Variants in TPTE observed in about 807,000 individuals in gnomAD.
TPTE encodes the protein putative tyrosine-protein phosphatase TPTE.
TPTE carries 59 observed loss-of-function variants against 84.1 expected under a neutral mutation model. The ratio of observed to expected loss-of-function variants is 0.70; its 90% CI spans 0.57 to 0.87. The LOEUF (loss-of-function observed/expected upper bound fraction) is 0.87, where lower values mean the gene tolerates loss of function less well. Ranked by LOEUF, TPTE falls within the 40% of genes least tolerant of loss-of-function variation. The pLI is 0.00. For missense variants in TPTE, 382 were observed against 659.6 expected, an observed-to-expected ratio of 0.58 and a Z score of 4.61; for synonymous variants, 130 against 223.5, an observed-to-expected ratio of 0.58 and a Z score of 3.73.
At chr21:10,569,001 G>T (rs375946195) in intron 11 of TPTE, among the ~76,000 whole-genome samples, 2 of 152,416 alleles carry the variant, frequency 1.3e-5, no homozygotes, top group East Asian at 3.9e-4. Context: ...AGATGAACAA[G>T]AATAATCGAT....
chr21:10,537,210 G>T (rs1435595463), intron 3 of TPTE, among the ~76,000 whole-genome samples: 1 of 152,310 alleles, frequency 6.6e-6, no homozygotes, highest in East Asian at 1.9e-4. Context: ...AGTTTGTGCT[G>T]TATTCAATTG....
chr21:10,575,385 G>T (rs1320459256), intron 14 of TPTE, among the ~76,000 whole-genome samples: 1 of 152,312 alleles, frequency 6.6e-6, no homozygotes, highest in Non-Finnish European at 1.5e-5. Flanking sequence ...GCTCCTGGTG[G>T]GAGGGGCAGC....
At chr21:10,594,229 T>C (rs879238383) in intron 19 of TPTE, among the ~76,000 whole-genome samples, 1 of 152,312 alleles carries the variant, frequency 6.6e-6, no homozygotes, top group Non-Finnish European at 1.5e-5. Flanking sequence ...GGACACTTGA[T>C]ACCCTCATGC....
intron 21 of TPTE, among the ~76,000 whole-genome samples, chr21:10,600,668 A>T (rs1259032331): frequency 6.6e-6 from 1 of 152,308 alleles, no homozygotes; most frequent in Non-Finnish European, 1.5e-5. Flanking sequence ...CCATTCTACT[A>T]TTGTTTCTTA....
intron 10 of TPTE, among the ~76,000 whole-genome samples, chr21:10,565,123 A>G (rs1186171950): frequency 4.6e-5 from 7 of 152,196 alleles, no homozygotes; most frequent in Admixed American, 3.3e-4. Flanking sequence ...AGACTCCACC[A>G]AAAAAAACTA....
At chr21:10,577,996 T>C (rs2075193711) in intron 15 of TPTE, among the ~76,000 whole-genome samples, 1 of 152,312 alleles carries the variant, frequency 6.6e-6, no homozygotes. Flanking sequence ...ACCTGTATAC[T>C]CAATAGACAT....
At chr21:10,579,548 G>A (rs374549561) in intron 17 of TPTE, among the ~76,000 whole-genome samples, 243 of 151,984 alleles carry the variant, frequency 1.6e-3, no homozygotes, top group Middle Eastern at 0.014. Flanking sequence ...CCCAAGTTTT[G>A]TCTCCCCAGC....
At chr21:10,578,910 A>C (rs2075217925) in intron 17 of TPTE, among the ~76,000 whole-genome samples, 1 of 152,312 alleles carries the variant, frequency 6.6e-6, no homozygotes, top group Non-Finnish European at 1.5e-5. Context: ...ATATCTCTCA[A>C]AATACAAACA....
intron 7 of TPTE, among the ~76,000 whole-genome samples, chr21:10,544,819 T>G (rs1012402824): frequency 2.0e-5 from 3 of 152,310 alleles, no homozygotes; most frequent in African/African-American, 7.2e-5. Flanking sequence ...GGTGGGTGTT[T>G]ACAAACTGAA....
rs1264910862 is a variant in TPTE at position 10,542,947 on chromosome 21, C to G, written c.120-382C>G. 2.6e-5 allele frequency among the ~76,000 whole-genome samples: 4 copies of G among 151,800 alleles called. No individual in the cohort carries two copies. The East Asian group carries it at 5.8e-4, about 22-fold the overall frequency. ...CTGATAGGAATTCATTGGTTTCTGT[C>G]TAGAGTAATAAAAGCTAATTTTCCA... On this transcript the variant is annotated intron_variant, in intron 6 of 23. Coordinates refer to ENST00000618007, the MANE Select transcript of TPTE (RefSeq NM_199261.4).
intron 18 of TPTE, among the ~76,000 whole-genome samples, chr21:10,591,325 G>A (rs1298893791): frequency 1.3e-5 from 2 of 152,312 alleles, no homozygotes; most frequent in Non-Finnish European, 1.5e-5. Context: ...AAGAGGTGGT[G>A]GTTGTGCACA....
intron 3 of TPTE, among the ~76,000 whole-genome samples, chr21:10,530,644 C>T (rs1437557485): frequency 3.3e-5 from 5 of 152,306 alleles, no homozygotes; most frequent in Admixed American, 2.6e-4. Context: ...TGCCAGACCC[C>T]TATAGACCTG....
intron 1 of TPTE, among the ~76,000 whole-genome samples, chr21:10,523,957 CTGT>C (rs2074034377): frequency 6.6e-6 from 1 of 152,310 alleles, no homozygotes; most frequent in Non-Finnish European, 1.5e-5. Context: ...TCTCCAGCAC[CTGT>C]TGTTTCCTGA....
intron 7 of TPTE, among the ~76,000 whole-genome samples, chr21:10,547,870 G>C (rs1229028408): frequency 6.6e-6 from 1 of 152,306 alleles, no homozygotes; most frequent in Non-Finnish European, 1.5e-5. Flanking sequence ...CCCATCCAGG[G>C]TAAATTCACT....
At chr21:10,533,734 G>T (rs1319686083) in intron 3 of TPTE, among the ~76,000 whole-genome samples, 3 of 152,306 alleles carry the variant, frequency 2.0e-5, no homozygotes, top group Non-Finnish European at 4.4e-5. Context: ...TGTGCCCCAG[G>T]GTAGAGAGTC....
chr21:10,580,007 A>T (rs2075242483), intron 17 of TPTE, among the ~76,000 whole-genome samples: 2 of 152,312 alleles, frequency 1.3e-5, no homozygotes, highest in South Asian at 4.1e-4. Flanking sequence ...TTTTCTCTTC[A>T]TCCTCACCAA....
intron 2 of TPTE, 133 bp from the exon 3 acceptor site, chr21:10,527,222 T>G (rs1297848759): frequency 1.3e-5 from 2 of 152,730 alleles, no homozygotes; most frequent in African/African-American, 4.8e-5. Flanking sequence ...ATCCTGAAAT[T>G]GTTTCTTTAG....
chr21:10,533,633 CT>C (rs1225555533), intron 3 of TPTE, among the ~76,000 whole-genome samples: 1 of 152,312 alleles, frequency 6.6e-6, no homozygotes, highest in East Asian at 1.9e-4. Context: ...CAAAAGTGTC[CT>C]GGTTTGGGCA....
chr21:10,596,564 C>T (rs1327277699), intron 20 of TPTE, among the ~76,000 whole-genome samples: 5 of 152,162 alleles, frequency 3.3e-5, no homozygotes, highest in Admixed American at 2.6e-4. Context: ...CCTTTCCCCT[C>T]TCTCCTCCAT....
Sources: gnomAD v4.1 joint callset for allele counts (sites outside exome capture counted in the v4.1 genomes callset) on GRCh38, gnomAD v4.1.1 for gene constraint, MANE v1.5 for transcripts, NCBI Gene and HGNC (gene_info 2026-07-23, HGNC 2026-07-21) for gene names.